The following ASF1B variants were observed in gnomAD, a reference collection of about 807,000 sequenced individuals.
The protein encoded by ASF1B is anti-silencing function 1B histone chaperone.
In ASF1B, 10 loss-of-function variants were observed where a neutral mutation model predicts 16.6. The observed-to-expected ratio is 0.60, with a 90% CI of 0.37 to 1.02. The LOEUF (loss-of-function observed/expected upper bound fraction) is 1.02. Ranked by LOEUF, ASF1B falls within the 50% of genes least tolerant of loss-of-function variation. The probability of loss-of-function intolerance (pLI) is 0.01; values close to 1 mark genes in which losing one functional copy is unlikely to be tolerated. For synonymous variants in ASF1B, 101 were observed against 106.2 expected (o/e 0.95, Z 0.30); for missense variants, 240 against 266.0 (o/e 0.90, Z 0.68).
At chr19:14,125,498 T>C (rs1259029619) in intron 2 of ASF1B, among the ~76,000 whole-genome samples, 5 of 151,382 alleles carry the variant, frequency 3.3e-5, no homozygotes, top group Admixed American at 3.3e-4. Context: ...TGACGGCCTC[T>C]GAGAGGTCAG....
At chr19:14,128,091 A>C (rs1380177002) in intron 1 of ASF1B, among the ~76,000 whole-genome samples, 2 of 152,228 alleles carry the variant, frequency 1.3e-5, no homozygotes, top group Non-Finnish European at 2.9e-5. Context: ...CAAGTGTATC[A>C]GGGGCAAGGT....
intron 1 of ASF1B, among the ~76,000 whole-genome samples, chr19:14,127,526 G>A (rs746750899): frequency 1.3e-5 from 2 of 152,302 alleles, no homozygotes; most frequent in Middle Eastern, 3.4e-3. Flanking sequence ...GGGGGAAGGT[G>A]AGGTTGCTCA....
chr19:14,120,849 TTGCTTTTGTTGCCCAGGCTGGAG>T (rs1967225065), intron 3 of ASF1B, among the ~76,000 whole-genome samples, 184 bp from the exon 4 acceptor site: 1 of 152,116 alleles, frequency 6.6e-6, no homozygotes, highest in Non-Finnish European at 1.5e-5. Context: ...AGACGGAGTT[TTGCTTTTGTTGCCCAGGCTGGAG>T]TGCAATGCTG....
rs80144034 is a variant in ASF1B at position 14,127,340 on chromosome 19, C to T, written c.110-1103G>A. On this transcript the variant is annotated intron_variant, in intron 1 of 3. Coordinates refer to ENST00000263382, the MANE Select transcript of ASF1B (RefSeq NM_018154.3). ...TTAAGAGCCACGTGACACAGACGTG[C>T]TGAGAAGGGAACGGCAGGGAGTTGG... Among the ~76,000 whole-genome samples, 27 of 152,314 alleles carry T rather than the reference C, an allele frequency of 1.8e-4. No individual in the cohort carries two copies. In the East Asian group the frequency reaches 5.2e-3, roughly 29 times the overall value.
intron 1 of ASF1B, among the ~76,000 whole-genome samples, chr19:14,135,757 C>A (rs574907109): frequency 1.3e-5 from 2 of 151,684 alleles, no homozygotes; most frequent in African/African-American, 2.4e-5. Flanking sequence ...GGATTTCCCC[C>A]GGGGAAAATG....
At chr19:14,121,310 A>T in intron 3 of ASF1B, 1 of 327,494 alleles carries the variant, frequency 3.1e-6, no homozygotes, top group Non-Finnish European at 5.2e-6. Context: ...GGGGTTAGGG[A>T]CAGGGTCTCA....
Position 14,132,102 on chromosome 19 carries a change from A to C in ASF1B, c.109+4246T>G, listed in dbSNP as rs1278101294. 2.1e-5 allele frequency among the ~76,000 whole-genome samples: 3 copies of C among 142,886 alleles called. No homozygotes were observed. In the East Asian group the frequency reaches 6.2e-4, roughly 30 times the overall value. 93.7% of individuals were successfully genotyped at this position (142,886 alleles called of 152,430 possible). A position where few individuals can be genotyped will look rare whatever the true frequency, so the allele number is the denominator to read the frequency against. ...GAGTGCAGTGGTGCAATCATGGCTC[A>C]CTGCAGCCCTGACCTCCTGGGCTCA... On this transcript the variant is annotated intron_variant, in intron 1 of 3. Coordinates refer to ENST00000263382, the MANE Select transcript of ASF1B (RefSeq NM_018154.3).
chr19:14,134,785 C>G (rs1031303303), intron 1 of ASF1B, among the ~76,000 whole-genome samples: 5 of 152,038 alleles, frequency 3.3e-5, no homozygotes, highest in African/African-American at 1.2e-4. Context: ...AAAAGATGTA[C>G]AGGAGGCTGT....
rs780847818 is a variant in ASF1B at position 14,121,649 on chromosome 19, G to T, written c.285C>A (p.Val95=). Residue 95 remains valine (V), a synonymous_variant, in exon 3 of 4, where the codon GTC becomes GTA. Coordinates refer to ENST00000263382, the MANE Select transcript of ASF1B (RefSeq NM_018154.3). ...PETDAVGVTV[V]LITCTYHGQE... ...GTCCATGGTAGGTGCAGGTGATGAG[G>T]ACCACAGTCACACCCACGGCATCAG... is the stretch of plus-strand genomic sequence containing the variant. The T allele has an allele frequency of 3.7e-6, 6 of 1,613,806 alleles. No individual in the cohort carries two copies. The South Asian group carries it at 6.6e-5, about 18-fold the overall frequency.
At chr19:14,133,286 TAAAGA>T (rs1309395225) in intron 1 of ASF1B, among the ~76,000 whole-genome samples, 3 of 152,144 alleles carry the variant, frequency 2.0e-5, no homozygotes, top group Non-Finnish European at 4.4e-5. Flanking sequence ...GGAGCAAAGA[TAAAGA>T]ATTTAGATTC....
chr19:14,120,169 G>A lies in ASF1B; in HGVS notation c.*290C>T. On this transcript the variant is annotated 3_prime_UTR_variant, in exon 4 of 4. Coordinates refer to ENST00000263382, the MANE Select transcript of ASF1B (RefSeq NM_018154.3). ...AAAGCTTTGGATCAATGGTACTCAA[G>A]GGTGCACAGTGGCACAGTGGCCTTA... The A allele has an allele frequency of 2.7e-6, 1 of 374,382 alleles. No homozygotes were observed. The highest frequency in any genetic ancestry group is 3.0e-5 in the South Asian group (1 of 33,356). The allele number at this position is 374,382 out of a possible 1,614,324, so 23.2% of individuals were successfully genotyped here.
chr19:14,134,025 C>T (rs901853856), intron 1 of ASF1B, among the ~76,000 whole-genome samples: 10 of 151,960 alleles, frequency 6.6e-5, no homozygotes, highest in African/African-American at 2.2e-4. Flanking sequence ...AGGATGGTCT[C>T]GATCTCCTGA....
intron 2 of ASF1B, among the ~76,000 whole-genome samples, chr19:14,122,640 G>T (rs1967257812): frequency 6.6e-6 from 1 of 152,224 alleles, no homozygotes; most frequent in Admixed American, 6.5e-5. Flanking sequence ...GATTACAGGT[G>T]TGAGTCACTG....
At chr19:14,130,787 G>GTGTGTATATATATATATATA (rs141600762) in intron 1 of ASF1B, among the ~76,000 whole-genome samples, 2 of 142,440 alleles carry the variant, frequency 1.4e-5, no homozygotes, top group African/African-American at 5.2e-5. Context: ...GTGTTTGTGT[G>GTGTGTATATATATATATATA]TATATATATA....
chr19:14,129,639 C>A (rs1423430345), intron 1 of ASF1B, among the ~76,000 whole-genome samples: 1 of 116,192 alleles, frequency 8.6e-6, no homozygotes, highest in Non-Finnish European at 1.6e-5. Flanking sequence ...CGAGATTTTG[C>A]CACTGCACTC....
intron 1 of ASF1B, among the ~76,000 whole-genome samples, chr19:14,129,743 A>T (rs1967372420): frequency 1.4e-5 from 2 of 139,096 alleles, no homozygotes; most frequent in Non-Finnish European, 3.1e-5. Flanking sequence ...AGAAAAAAAG[A>T]GTTATAGGTA....
chr19:14,132,024 GTTTTT>G (rs34539223), intron 1 of ASF1B, among the ~76,000 whole-genome samples: 7 of 124,586 alleles, frequency 5.6e-5, no homozygotes, highest in Admixed American at 1.7e-4. Context: ...GGTTAGGGTG[GTTTTT>G]TTTTTTTTTT....
At chr19:14,132,724 C>T (rs949789828) in intron 1 of ASF1B, among the ~76,000 whole-genome samples, 9 of 151,970 alleles carry the variant, frequency 5.9e-5, no homozygotes, top group South Asian at 2.1e-4. Context: ...ATACTGAGGC[C>T]GGAGAATCGC....
At chr19:14,125,066 A>G (rs1458586303) in intron 2 of ASF1B, among the ~76,000 whole-genome samples, 4 of 152,168 alleles carry the variant, frequency 2.6e-5, no homozygotes, top group African/African-American at 7.2e-5. Flanking sequence ...TCCCAGGTTC[A>G]AGCGATTCTC....
Sources: allele counts gnomAD v4.1 joint callset (sites outside exome capture counted in the v4.1 genomes callset), GRCh38; gene constraint gnomAD v4.1.1; transcripts MANE v1.5; gene names NCBI Gene and HGNC (gene_info 2026-07-23, HGNC 2026-07-21).